Variants in LRRC4C observed in about 807,000 individuals in gnomAD.
LRRC4C encodes the protein leucine rich repeat containing 4C.
In LRRC4C, 5 loss-of-function variants were observed where a neutral mutation model predicts 33.6. The ratio of observed to expected loss-of-function variants is 0.15; its 90% CI spans 0.08 to 0.31. The LOEUF (loss-of-function observed/expected upper bound fraction) is 0.31. LRRC4C is among the 10% of genes least tolerant of loss of function. The pLI is 1.00. For missense variants in LRRC4C, 560 were observed against 796.7 expected, an observed-to-expected ratio of 0.70 and a Z score of 3.58; for synonymous variants, 329 against 302.0, an observed-to-expected ratio of 1.09 and a Z score of -0.93.
chr11:40,828,004 G>A (rs1377473573), intron 2 of LRRC4C, among the ~76,000 whole-genome samples: 2 of 151,470 alleles, frequency 1.3e-5, no homozygotes, highest in African/African-American at 2.4e-5. Context: ...TCTTCTACAT[G>A]GTTAGAAGTC....
At chr11:40,476,094 T>A (rs1433030803) in intron 3 of LRRC4C, among the ~76,000 whole-genome samples, 1 of 152,136 alleles carries the variant, frequency 6.6e-6, no homozygotes, top group Non-Finnish European at 1.5e-5. Flanking sequence ...CTGCCCATGA[T>A]TGAGAATCAT....
intron 3 of LRRC4C, among the ~76,000 whole-genome samples, chr11:40,466,466 C>G (rs765174325): frequency 6.6e-6 from 1 of 151,708 alleles, no homozygotes; most frequent in Non-Finnish European, 1.5e-5. Flanking sequence ...TCTGAAAATA[C>G]TATGCTTGGA....
At chr11:41,147,747 G>A (rs1053179518) in intron 1 of LRRC4C, among the ~76,000 whole-genome samples, 2 of 152,092 alleles carry the variant, frequency 1.3e-5, no homozygotes, top group Non-Finnish European at 2.9e-5. Context: ...GCTTTAATCA[G>A]ACATTTATCA....
intron 2 of LRRC4C, among the ~76,000 whole-genome samples, chr11:40,797,819 G>A (rs1301750822): frequency 6.6e-6 from 1 of 151,876 alleles, no homozygotes; most frequent in Non-Finnish European, 1.5e-5. Context: ...TAAGCTTTTT[G>A]GGAACAGAGA....
chr11:40,880,573 A>G (rs1591978806), intron 2 of LRRC4C, among the ~76,000 whole-genome samples: 2 of 151,322 alleles, frequency 1.3e-5, no homozygotes, highest in East Asian at 1.9e-4. Context: ...ACAGAATTAC[A>G]GAGGAAATGA....
chr11:40,607,864 C>T (rs1387572248), intron 3 of LRRC4C, among the ~76,000 whole-genome samples: 2 of 152,114 alleles, frequency 1.3e-5, no homozygotes, highest in East Asian at 1.9e-4. Flanking sequence ...ACACTCATCC[C>T]TAGACCCTGC....
At chr11:40,372,535 T>A (rs1948494268) in intron 3 of LRRC4C, among the ~76,000 whole-genome samples, 2 of 152,204 alleles carry the variant, frequency 1.3e-5, no homozygotes, top group African/African-American at 4.8e-5. Context: ...TCTTAATACA[T>A]CAGCGAATTC....
intron 1 of LRRC4C, among the ~76,000 whole-genome samples, chr11:41,444,165 A>G (rs1449264350): frequency 2.6e-5 from 4 of 152,198 alleles, no homozygotes; most frequent in African/African-American, 2.4e-5. Context: ...AAAAAAAGTA[A>G]TAATAATGAG....
chr11:41,305,670 C>A (rs1367167181), intron 1 of LRRC4C, among the ~76,000 whole-genome samples: 1 of 77,718 alleles, frequency 1.3e-5, no homozygotes, highest in South Asian at 4.9e-4. Context: ...AAGGGCGGTG[C>A]AAGATGGGCT....
chr11:41,177,417 A>G (rs1945254677), intron 1 of LRRC4C, among the ~76,000 whole-genome samples: 1 of 152,088 alleles, frequency 6.6e-6, no homozygotes, highest in South Asian at 2.1e-4. Flanking sequence ...TCATTTCAGT[A>G]CCTCTAGGGA....
At chr11:40,820,786 G>T (rs1258112910) in intron 2 of LRRC4C, among the ~76,000 whole-genome samples, 1 of 151,658 alleles carries the variant, frequency 6.6e-6, no homozygotes, top group Non-Finnish European at 1.5e-5. Flanking sequence ...GTCCTTTCTA[G>T]TCAACATAAT....
At chr11:41,057,635 A>G (rs766264399) in intron 1 of LRRC4C, among the ~76,000 whole-genome samples, 2 of 152,214 alleles carry the variant, frequency 1.3e-5, no homozygotes, top group Non-Finnish European at 2.9e-5. Flanking sequence ...GGACTCAGCC[A>G]GAGCTGAGCA....
intron 3 of LRRC4C, among the ~76,000 whole-genome samples, chr11:40,322,989 C>T (rs1945925556): frequency 6.6e-6 from 1 of 152,028 alleles, no homozygotes; most frequent in Non-Finnish European, 1.5e-5. Context: ...ACTAAAGTAA[C>T]CAGCATTGTC....
At chr11:40,192,317 G>A (rs1248027956) in intron 5 of LRRC4C, among the ~76,000 whole-genome samples, 2 of 152,052 alleles carry the variant, frequency 1.3e-5, no homozygotes, top group African/African-American at 4.8e-5. Context: ...CCCACAGAGG[G>A]CGAGCAGAAG....
intron 3 of LRRC4C, among the ~76,000 whole-genome samples, chr11:40,333,591 C>T (rs948024172): frequency 6.6e-6 from 1 of 151,764 alleles, no homozygotes; most frequent in Non-Finnish European, 1.5e-5. Context: ...GTGGCAAGTG[C>T]CTGTAATCCC....
chr11:41,039,168 A>G (rs1590323644), intron 1 of LRRC4C, among the ~76,000 whole-genome samples: 1 of 152,174 alleles, frequency 6.6e-6, no homozygotes, highest in South Asian at 2.1e-4. Flanking sequence ...TATGGACTCC[A>G]CAGGGGTCGT....
intron 3 of LRRC4C, among the ~76,000 whole-genome samples, chr11:40,425,988 T>C (rs1950697427): frequency 6.6e-6 from 1 of 151,352 alleles, no homozygotes; most frequent in Admixed American, 6.6e-5. Flanking sequence ...TTAATGCTGG[T>C]GATAACAAGA....
At chr11:40,309,994 T>C (rs1350983992) in intron 4 of LRRC4C, among the ~76,000 whole-genome samples, 1 of 152,144 alleles carries the variant, frequency 6.6e-6, no homozygotes, top group Non-Finnish European at 1.5e-5. Flanking sequence ...GCTCATCCTA[T>C]ATGGAGGCAA....
chr11:40,443,070 T>C (rs1406047107), intron 3 of LRRC4C, among the ~76,000 whole-genome samples: 1 of 152,218 alleles, frequency 6.6e-6, no homozygotes, highest in African/African-American at 2.4e-5. Context: ...TCTCCACAGA[T>C]ATTTTTATGA....
Sources: gnomAD v4.1 joint callset for allele counts (sites outside exome capture counted in the v4.1 genomes callset) on GRCh38, gnomAD v4.1.1 for gene constraint, MANE v1.5 for transcripts, NCBI Gene and HGNC (gene_info 2026-07-23, HGNC 2026-07-21) for gene names.